CDH18: variants seen among roughly 807,000 people sequenced by gnomAD.
CDH18 encodes the protein cadherin-18.
Under a neutral mutation model 67.9 loss-of-function variants are expected in CDH18, and 31 were observed. That is an observed-to-expected ratio of 0.46 (90% CI 0.34 to 0.62). The LOEUF (loss-of-function observed/expected upper bound fraction) is 0.62, where lower values mean the gene tolerates loss of function less well. Ranked by LOEUF, CDH18 falls within the 20% of genes least tolerant of loss-of-function variation. CDH18 has a pLI of 0.01. For missense variants in CDH18, 890 were observed against 975.5 expected, an observed-to-expected ratio of 0.91 and a Z score of 1.17; for synonymous variants, 362 against 347.2, an observed-to-expected ratio of 1.04 and a Z score of -0.48.
chr5:20,064,468 G>A (rs1245479823), intron 2 of CDH18, among the ~76,000 whole-genome samples: 1 of 151,896 alleles, frequency 6.6e-6, no homozygotes, highest in Non-Finnish European at 1.5e-5. Flanking sequence ...GGAATGATGT[G>A]TTTCAACAAC....
At chr5:19,804,134 A>C (rs1777780141) in intron 3 of CDH18, 1 of 148,442 alleles carries the variant, frequency 6.7e-6, no homozygotes, top group Admixed American at 6.7e-5. Context: ...AAAAAAAAAA[A>C]AAGAAAAAAT....
intron 1 of CDH18, among the ~76,000 whole-genome samples, chr5:20,465,843 T>C (rs1751598233): frequency 6.6e-6 from 1 of 152,068 alleles, no homozygotes; most frequent in Admixed American, 6.6e-5. Context: ...CGCAACGCTC[T>C]GTAAGACAAT....
At chr5:19,500,421 T>C (rs954855413) in intron 11 of CDH18, among the ~76,000 whole-genome samples, 2 of 152,024 alleles carry the variant, frequency 1.3e-5, no homozygotes, top group African/African-American at 4.8e-5. Context: ...TCATGGAAAA[T>C]GGATTTAAGA....
At chr5:20,510,542 C>T (rs970945715) in intron 1 of CDH18, among the ~76,000 whole-genome samples, 1 of 152,000 alleles carries the variant, frequency 6.6e-6, no homozygotes, top group African/African-American at 2.4e-5. Context: ...AAATCTGACT[C>T]CCATAATCTC....
At chr5:19,497,122 C>T (rs1314304223) in intron 11 of CDH18, among the ~76,000 whole-genome samples, 1 of 151,720 alleles carries the variant, frequency 6.6e-6, no homozygotes, top group Admixed American at 6.6e-5. Flanking sequence ...CTTTCCCCTA[C>T]CCCCACCAGG....
intron 1 of CDH18, among the ~76,000 whole-genome samples, chr5:20,329,919 T>G (rs1739005928): frequency 6.6e-6 from 1 of 152,100 alleles, no homozygotes; most frequent in South Asian, 2.1e-4. Context: ...TAGAGTGGAT[T>G]CTGGATACTT....
intron 2 of CDH18, among the ~76,000 whole-genome samples, chr5:19,910,582 A>T (rs993990282): frequency 2.0e-5 from 3 of 152,186 alleles, no homozygotes; most frequent in Non-Finnish European, 4.4e-5. Context: ...AATTAATAAG[A>T]TTTATAGGCA....
chr5:20,493,313 C>T (rs1300301919), intron 1 of CDH18, among the ~76,000 whole-genome samples: 2 of 135,254 alleles, frequency 1.5e-5, no homozygotes, highest in African/African-American at 5.8e-5. Flanking sequence ...CATGCAACTG[C>T]ACTCCAGCCT....
intron 2 of CDH18, among the ~76,000 whole-genome samples, chr5:19,842,781 G>A (rs750018408): frequency 6.6e-6 from 1 of 152,076 alleles, no homozygotes; most frequent in Non-Finnish European, 1.5e-5. Context: ...CTTGTTGAAC[G>A]GTTTTGACCC....
At chr5:20,342,473 C>A (rs1029614703) in intron 1 of CDH18, among the ~76,000 whole-genome samples, 9 of 152,090 alleles carry the variant, frequency 5.9e-5, no homozygotes, top group African/African-American at 1.9e-4. Context: ...CAGATGCTAT[C>A]CCTAACACCT....
At chr5:20,359,546 A>T (rs1447303355) in intron 1 of CDH18, among the ~76,000 whole-genome samples, 2 of 152,186 alleles carry the variant, frequency 1.3e-5, no homozygotes, top group Non-Finnish European at 2.9e-5. Flanking sequence ...AACATTCTTT[A>T]AACTTCGGTG....
chr5:19,679,872 C>T (rs1162517230), intron 5 of CDH18, among the ~76,000 whole-genome samples: 1 of 151,916 alleles, frequency 6.6e-6, no homozygotes, highest in Non-Finnish European at 1.5e-5. Flanking sequence ...CTGCTCAAAG[C>T]CATTTACAGA....
chr5:20,184,652 A>G (rs1737951093), intron 2 of CDH18, among the ~76,000 whole-genome samples: 1 of 152,104 alleles, frequency 6.6e-6, no homozygotes, highest in Non-Finnish European at 1.5e-5. Context: ...AGCACTGTGT[A>G]TTGTTTTATG....
chr5:20,407,527 A>G (rs1234583767), intron 1 of CDH18, among the ~76,000 whole-genome samples: 1 of 150,172 alleles, frequency 6.7e-6, no homozygotes, highest in Non-Finnish European at 1.5e-5. Flanking sequence ...GAAGTTCTCA[A>G]CAGAATCTCA....
chr5:19,882,335 A>C (rs1787742585), intron 2 of CDH18, among the ~76,000 whole-genome samples: 1 of 152,168 alleles, frequency 6.6e-6, no homozygotes, highest in Non-Finnish European at 1.5e-5. Flanking sequence ...GTAGATGTAC[A>C]TTCAGTAATA....
chr5:19,843,657 C>T (rs1261380335), intron 2 of CDH18, among the ~76,000 whole-genome samples: 1 of 152,196 alleles, frequency 6.6e-6, no homozygotes, highest in Non-Finnish European at 1.5e-5. Flanking sequence ...ATTGTAGATC[C>T]ACCAACAGCT....
intron 2 of CDH18, among the ~76,000 whole-genome samples, chr5:20,129,682 C>T (rs1322918886): frequency 6.6e-6 from 1 of 151,946 alleles, no homozygotes; most frequent in Admixed American, 6.6e-5. Context: ...CAACTTTGGT[C>T]CCAGATAAGG....
intron 1 of CDH18, among the ~76,000 whole-genome samples, chr5:20,285,256 T>C (rs1351237850): frequency 6.6e-6 from 1 of 151,248 alleles, no homozygotes; most frequent in African/African-American, 2.4e-5. Flanking sequence ...AGATAAAATT[T>C]ATTGTCTTCC....
At chr5:19,786,909 G>A (rs1268582069) in intron 3 of CDH18, among the ~76,000 whole-genome samples, 2 of 152,096 alleles carry the variant, frequency 1.3e-5, no homozygotes, top group Non-Finnish European at 2.9e-5. Flanking sequence ...CTGCCTCCAC[G>A]TTGGCAGTAT....
Sources: allele counts gnomAD v4.1 joint callset (sites outside exome capture counted in the v4.1 genomes callset), GRCh38; gene constraint gnomAD v4.1.1; transcripts MANE v1.5; gene names NCBI Gene and HGNC (gene_info 2026-07-23, HGNC 2026-07-21).